The following ZNF169 variants were observed in gnomAD, a reference collection of about 807,000 sequenced individuals.
ZNF169 encodes zinc finger protein 169.
A neutral mutation model predicts 12.0 loss-of-function variants in ZNF169; 11 were observed. The ratio of observed to expected loss-of-function variants is 0.92; its 90% CI spans 0.58 to 1.52. ZNF169 has a LOEUF of 1.52. Among genes scored for constraint, ZNF169 ranks in the 40% most tolerant of loss-of-function variants. The probability of loss-of-function intolerance (pLI) is 0.00; values close to 1 mark genes in which losing one functional copy is unlikely to be tolerated. For missense variants in ZNF169, 722 were observed against 744.0 expected (o/e 0.97, Z 0.34); for synonymous variants, 302 against 286.5 (o/e 1.05, Z -0.55).
chr9:94,285,871 TGTG>T (rs1830712065), intron 2 of ZNF169, among the ~76,000 whole-genome samples: 1 of 151,772 alleles, frequency 6.6e-6, no homozygotes, highest in Non-Finnish European at 1.5e-5. Flanking sequence ...ATTAGCTGGA[TGTG>T]GTGGTGCATG....
chr9:94,297,377 T>A (rs1830974356), intron 4 of ZNF169, among the ~76,000 whole-genome samples: 1 of 152,256 alleles, frequency 6.6e-6, no homozygotes, highest in African/African-American at 2.4e-5. Context: ...TATTTCATAT[T>A]TTGATGCTAT....
At chr9:94,269,897 G>T (rs1830360622) in intron 1 of ZNF169, among the ~76,000 whole-genome samples, 1 of 152,088 alleles carries the variant, frequency 6.6e-6, no homozygotes, top group South Asian at 2.1e-4. Flanking sequence ...TTCTAAATGG[G>T]TCCAGGTGCT....
At chr9:94,285,692 A>G (rs1257563699) in intron 2 of ZNF169, among the ~76,000 whole-genome samples, 1 of 152,110 alleles carries the variant, frequency 6.6e-6, no homozygotes, top group Admixed American at 6.6e-5. Flanking sequence ...AAACAATTAG[A>G]ATGCCAATGG....
chr9:94,295,889 A>G (rs959799895), intron 4 of ZNF169: 3 of 152,224 alleles, frequency 2.0e-5, no homozygotes, highest in Non-Finnish European at 2.9e-5. Flanking sequence ...TTGAATAAAT[A>G]CCTGGGACTG....
At chr9:94,263,202 G>C (rs1299788821) in intron 1 of ZNF169, among the ~76,000 whole-genome samples, 1 of 152,126 alleles carries the variant, frequency 6.6e-6, no homozygotes, top group Non-Finnish European at 1.5e-5. Context: ...TAGGATTATG[G>C]AATTGCCAAT....
chr9:94,298,933 G>A (rs1032325677), intron 4 of ZNF169, among the ~76,000 whole-genome samples: 9 of 152,164 alleles, frequency 5.9e-5, no homozygotes, highest in African/African-American at 2.4e-5. Context: ...AACAGTTTTT[G>A]TGCATGGATA....
At position 94,301,444 on chromosome 9, in the gene ZNF169, A is replaced by G. The variant is rs534777236; in HGVS notation, c.*74A>G. On this transcript the variant is annotated 3_prime_UTR_variant, in exon 5 of 5. Transcript: ENST00000395395. ...GCTTCAGTTTCCTGAAATGGAATGG[A>G]AAAAAAAAAATGTTGCTTTCTTTCA... 2.8e-5 allele frequency: 25 copies of G among 895,156 alleles called. No individual in the cohort carries two copies. The African/African-American group carries it at 5.2e-4, about 19-fold the overall frequency. The allele number at this position is 895,156 out of a possible 1,614,324, so 55.5% of individuals were successfully genotyped here.
At chr9:94,271,307 G>A (rs553472844) in intron 1 of ZNF169, among the ~76,000 whole-genome samples, 1 of 151,522 alleles carries the variant, frequency 6.6e-6, no homozygotes, top group Non-Finnish European at 1.5e-5. Context: ...ATGTTGCCCA[G>A]GCTGGTCTTG....
At chr9:94,271,505 C>T (rs9695761) in intron 1 of ZNF169, among the ~76,000 whole-genome samples, 29,557 of 151,840 alleles carry the variant, frequency 0.19, 3,195 homozygotes, top group East Asian at 0.38. Flanking sequence ...GCAGATCACT[C>T]GGTCAAAAGA....
intron 2 of ZNF169, among the ~76,000 whole-genome samples, chr9:94,280,561 AT>A (rs2118600941): frequency 6.6e-6 from 1 of 152,308 alleles, no homozygotes; most frequent in East Asian, 1.9e-4. Flanking sequence ...AAGAAACAGC[AT>A]TCAAACATAA....
At chr9:94,268,023 A>G (rs919864779) in intron 1 of ZNF169, among the ~76,000 whole-genome samples, 23 of 146,088 alleles carry the variant, frequency 1.6e-4, no homozygotes, top group Admixed American at 1.4e-3. Context: ...GTGCCACCAT[A>G]CCCAGCTAAT....
chr9:94,298,330 T>C (rs542722045), intron 4 of ZNF169, among the ~76,000 whole-genome samples: 2 of 152,290 alleles, frequency 1.3e-5, no homozygotes, highest in South Asian at 4.1e-4. Context: ...CAGCAAACAA[T>C]TTCAGAGATA....
intron 1 of ZNF169, among the ~76,000 whole-genome samples, chr9:94,271,542 A>C (rs1278311857): frequency 6.6e-6 from 1 of 151,982 alleles, no homozygotes; most frequent in Admixed American, 6.6e-5. Context: ...CAACGTGCTG[A>C]AACCCCATTT....
rs1249702619 is a variant in ZNF169 at position 94,270,696 on chromosome 9, TTTATATA to T, written c.-55-8061_-55-8055del. Among the ~76,000 whole-genome samples the T allele has an allele frequency of 3.2e-3, 66 of 20,896 alleles. 1 individual carries two copies. The highest frequency in any genetic ancestry group is 0.013 in the Admixed American group (18 of 1,398). 13.7% of individuals were successfully genotyped at this position (20,896 alleles called of 152,430 possible). ...TATATAAATATATATAAATATATAA[TTTATATA>T]ATTATATAATATATAATATTATATA... is the stretch of plus-strand genomic sequence containing the variant. On this transcript the variant is annotated intron_variant, in intron 1 of 4. Transcript: ENST00000395395.
chr9:94,266,086 A>G (rs1312250022), intron 1 of ZNF169, among the ~76,000 whole-genome samples: 10 of 4,660 alleles, frequency 2.1e-3, no homozygotes. Flanking sequence ...ACTTTGTCTC[A>G]AAAAAAAAAA....
In ZNF169 at chr9:94,299,957, T is replaced by A. The variant is rs1177850252; in HGVS notation, c.399T>A (p.Ala133=). The A allele has an allele frequency of 6.2e-7, 1 of 1,614,042 alleles. No individual in the cohort carries two copies. Among genetic ancestry groups the A allele is most frequent in the South Asian group, 1.1e-5 (1 of 91,072 alleles). The change falls in exon 5 of 5, where the codon GCT becomes GCA. Residue 133 remains alanine, a synonymous_variant. Coordinates refer to ENST00000395395, the MANE Select transcript of ZNF169 (RefSeq NM_194320.4). ...CAGGAGGTGACTTCCAACTAGAAGC[T>A]CCAAGATGCTCTAGTGAAAAAGGAG... ...SSAGGDFQLE[A]PRCSSEKGES... is the part of the protein sequence containing the mutation.
chr9:94,280,158 T>C (rs1423519776), intron 2 of ZNF169, among the ~76,000 whole-genome samples: 1 of 152,242 alleles, frequency 6.6e-6, no homozygotes, highest in East Asian at 1.9e-4. Context: ...ATTTGCATAT[T>C]TCTGGATAAA....
In ZNF169 at chr9:94,292,891, A is replaced by G. The variant is rs1587686966; in HGVS notation, c.161-83A>G. ...CCCTACCACCTTCTGGGTTTATTGC[A>G]TTCCTGGGTTGGCTCTGAGTTCTGA... On this transcript the variant is annotated intron_variant, in intron 3 of 4. Transcript: ENST00000395395. 4.1e-6 allele frequency: 5 copies of G among 1,223,082 alleles called. No individual in the cohort carries two copies. In the East Asian group the frequency reaches 1.3e-4, roughly 31 times the overall value. The allele number at this position is 1,223,082 out of a possible 1,614,324, so 75.8% of individuals were successfully genotyped here.
intron 4 of ZNF169, among the ~76,000 whole-genome samples, chr9:94,297,364 A>G (rs1830974061): frequency 6.6e-6 from 1 of 152,170 alleles, no homozygotes; most frequent in African/African-American, 2.4e-5. Flanking sequence ...ATTTGCCCCT[A>G]AGTATTTCAT....
Sources: gnomAD v4.1 joint callset for allele counts (sites outside exome capture counted in the v4.1 genomes callset) on GRCh38, gnomAD v4.1.1 for gene constraint, MANE v1.5 for transcripts, NCBI Gene and HGNC (gene_info 2026-07-23, HGNC 2026-07-21) for gene names.